Variants in DNAH11 observed in about 807,000 individuals in gnomAD.
The protein encoded by DNAH11 is dynein axonemal heavy chain 11, also known as axonemal beta dynein heavy chain 11.
DNAH11 carries 442 observed loss-of-function variants against 526.0 expected under a neutral mutation model. The ratio of observed to expected loss-of-function variants is 0.84; its 90% CI spans 0.78 to 0.91. The LOEUF (loss-of-function observed/expected upper bound fraction) is 0.91, where lower values mean the gene tolerates loss of function less well. Ranked by LOEUF, DNAH11 falls within the 40% of genes least tolerant of loss-of-function variation. DNAH11 has a pLI of 0.00. For missense variants in DNAH11, 6,989 were observed against 5,448.7 expected (o/e 1.28, Z -8.90); for synonymous variants, 2,461 against 1,935.9 (o/e 1.27, Z -7.12).
chr7:21,559,521 A>G, intron 3 of DNAH11, 82 bp from the exon 4 acceptor site: 2 of 1,116,240 alleles, frequency 1.8e-6, no homozygotes, highest in Non-Finnish European at 2.5e-6. Context: ...TAGTTTATGG[A>G]TGCCTAAAAT....
chr7:21,798,640 C>A (rs2127992234), intron 61 of DNAH11, among the ~76,000 whole-genome samples: 1 of 152,290 alleles, frequency 6.6e-6, no homozygotes, highest in Non-Finnish European at 1.5e-5. Context: ...ATCTTTGTCT[C>A]AGTTTCCTCA....
intron 54 of DNAH11, among the ~76,000 whole-genome samples, chr7:21,763,633 T>C (rs747591118): frequency 6.6e-6 from 1 of 151,386 alleles, no homozygotes; most frequent in African/African-American, 2.4e-5. Context: ...TGCCATAAGA[T>C]CCAGCAATCC....
At chr7:21,854,249 T>C in intron 67 of DNAH11, 66 bp from the exon 68 acceptor site, 1 of 1,546,946 alleles carries the variant, frequency 6.5e-7, no homozygotes, top group Non-Finnish European at 8.7e-7. Flanking sequence ...GTCCTTCCAT[T>C]CCTTGGATAT....
In DNAH11 at chr7:21,581,856, G is replaced by A. The variant is rs771524746; in HGVS notation, c.1594-49G>A. ...TCACGCTTGTGTGATTGCTATTTTC[G>A]CTGTTGGATTATTTCCAATATACTA... On this transcript the variant is annotated intron_variant, in intron 8 of 81. Coordinates refer to ENST00000409508, the MANE Select transcript of DNAH11 (RefSeq NM_001277115.2). 5.9e-6 allele frequency: 7 copies of A among 1,189,282 alleles called. No homozygotes were observed. The Middle Eastern group carries it at 5.8e-4, about 99-fold the overall frequency. 73.7% of individuals were successfully genotyped at this position (1,189,282 alleles called of 1,614,324 possible).
intron 53 of DNAH11, among the ~76,000 whole-genome samples, 174 bp from the exon 54 acceptor site, chr7:21,750,048 G>A (rs552597789): frequency 2.7e-4 from 41 of 152,196 alleles, no homozygotes; most frequent in African/African-American, 4.1e-4. Context: ...ACCATGGCTC[G>A]TCTTCAACGT....
In DNAH11 at chr7:21,597,130, T is replaced by TAGGCCTGGAA. The variant is rs1784890506; in HGVS notation, c.2668-2657_2668-2656insAGGCCTGGAA. Among the ~76,000 whole-genome samples, 4 of 58,600 alleles carry TAGGCCTGGAA rather than the reference T, an allele frequency of 6.8e-5. No individual in the cohort carries two copies. The South Asian group carries it at 1.5e-3, about 22-fold the overall frequency. The allele number at this position is 58,600 out of a possible 152,430, so 38.4% of individuals were successfully genotyped here. A position where few individuals can be genotyped will look rare whatever the true frequency, so the allele number is the denominator to read the frequency against. On this transcript the variant is annotated intron_variant, in intron 14 of 81. Coordinates refer to ENST00000409508, the MANE Select transcript of DNAH11 (RefSeq NM_001277115.2). ...AGAGAGGAGCAGGACCATGGAATATTGGGCCTGAGTGATCATTCAGTTATC... is the reference window on the plus strand; with the variant it reads ...AGAGAGGAGCAGGACCATGGAATATTAGGCCTGGAAGGGCCTGAGTGATCATTCAGTTATC...
intron 55 of DNAH11, among the ~76,000 whole-genome samples, chr7:21,770,004 C>A: frequency 6.6e-6 from 1 of 152,224 alleles, no homozygotes; most frequent in South Asian, 2.1e-4. Flanking sequence ...AATGCACTCA[C>A]CAGACAACTC....
Position 21,658,813 on chromosome 7 carries a change from C to T in DNAH11, c.5110C>T (p.Leu1704=). 6.3e-7 allele frequency: 1 copy of T among 1,582,600 alleles called. No homozygotes were observed. The highest frequency in any genetic ancestry group is 8.6e-7 in the Non-Finnish European group (1 of 1,164,020). ...GCTTCCAAAGGTGGAAACATGGCTT[C>T]TGCAACTTGAACAGACTATGCAAGA... ...ECVGHVETWL[L]QLEQTMQETV... Residue 1704 remains leucine (L), a synonymous_variant, in exon 30 of 82, where the codon CTG becomes TTG. Transcript: ENST00000409508.
chr7:21,602,656 C>A (rs1583519109), intron 18 of DNAH11, among the ~76,000 whole-genome samples: 3 of 151,512 alleles, frequency 2.0e-5, no homozygotes, highest in Non-Finnish European at 4.4e-5. Flanking sequence ...AACCAAAAAG[C>A]TTTCACTGGA....
At chr7:21,733,853 A>ATC (rs1373854384) in intron 45 of DNAH11, among the ~76,000 whole-genome samples, 1 of 152,176 alleles carries the variant, frequency 6.6e-6, no homozygotes, top group Non-Finnish European at 1.5e-5. Context: ...ATATATATAT[A>ATC]CGGAGAAACA....
chr7:21,772,127 G>A (rs1201431900), intron 55 of DNAH11, among the ~76,000 whole-genome samples: 1 of 152,116 alleles, frequency 6.6e-6, no homozygotes, highest in African/African-American at 2.4e-5. Context: ...CTGGCTCAGC[G>A]AGTCTCCCAT....
At chr7:21,895,446 G>A (rs1784476221) in intron 79 of DNAH11, among the ~76,000 whole-genome samples, 2 of 152,170 alleles carry the variant, frequency 1.3e-5, no homozygotes, top group Admixed American at 1.3e-4. Context: ...ATGGTATGCA[G>A]TATGCAGTAA....
intron 65 of DNAH11, among the ~76,000 whole-genome samples, chr7:21,842,166 T>C (rs1782226470): frequency 1.3e-5 from 2 of 152,202 alleles, no homozygotes; most frequent in African/African-American, 4.8e-5. Context: ...GTAAAACTGG[T>C]TTCTTCATAT....
chr7:21,561,727 C>T (rs1403661683), intron 5 of DNAH11, among the ~76,000 whole-genome samples: 1 of 152,178 alleles, frequency 6.6e-6, no homozygotes, highest in Non-Finnish European at 1.5e-5. Context: ...CTTCCACTCT[C>T]TAGTTTCAGC....
chr7:21,652,139 C>T (rs1361005562), intron 28 of DNAH11, among the ~76,000 whole-genome samples: 1 of 152,094 alleles, frequency 6.6e-6, no homozygotes. Flanking sequence ...GACCAGACAC[C>T]ACCAGAGAGA....
At chr7:21,721,095 GT>G (rs1456647336) in intron 44 of DNAH11, among the ~76,000 whole-genome samples, 1 of 152,152 alleles carries the variant, frequency 6.6e-6, no homozygotes, top group African/African-American at 2.4e-5. Flanking sequence ...TGAAAGTTCT[GT>G]GTTTCTGGCT....
At chr7:21,868,349 A>C (rs1386141530) in intron 72 of DNAH11, among the ~76,000 whole-genome samples, 1 of 152,122 alleles carries the variant, frequency 6.6e-6, no homozygotes, top group East Asian at 1.9e-4. Context: ...TGATTGCGCA[A>C]GGCACTGTCG....
intron 2 of DNAH11, among the ~76,000 whole-genome samples, chr7:21,547,761 C>T (rs974389138): frequency 7.2e-5 from 11 of 152,142 alleles, no homozygotes; most frequent in East Asian, 5.8e-4. Flanking sequence ...GAAAATTGAC[C>T]GTATAAAATG....
intron 46 of DNAH11, among the ~76,000 whole-genome samples, chr7:21,737,867 G>T (rs545409620): frequency 6.6e-6 from 1 of 152,294 alleles, no homozygotes; most frequent in South Asian, 2.1e-4. Context: ...GATGGTAATG[G>T]CTAGTAAGAA....
Sources: gnomAD v4.1 joint callset for allele counts (sites outside exome capture counted in the v4.1 genomes callset) on GRCh38, gnomAD v4.1.1 for gene constraint, MANE v1.5 for transcripts, NCBI Gene and HGNC (gene_info 2026-07-23, HGNC 2026-07-21) for gene names.